ADAM32: variants seen among roughly 807,000 people sequenced by gnomAD.
ADAM32 encodes ADAM metallopeptidase domain 32.
A neutral mutation model predicts 114.9 loss-of-function variants in ADAM32; 89 were observed. The ratio of observed to expected loss-of-function variants is 0.77; its 90% CI spans 0.65 to 0.92. ADAM32 has a LOEUF of 0.92. ADAM32 is among the 40% of genes least tolerant of loss of function. The pLI is 0.00. For synonymous variants in ADAM32, 285 were observed against 307.5 expected (o/e 0.93, Z 0.77); for missense variants, 870 against 932.8 (o/e 0.93, Z 0.88).
At chr8:39,223,288 T>C in intron 14 of ADAM32, 50 bp downstream of exon 14, 1 of 1,284,548 alleles carries the variant, frequency 7.8e-7, no homozygotes, top group Non-Finnish European at 1.0e-6. Flanking sequence ...GTTATTAACA[T>C]TACCAGGATA....
Position 39,280,543 on chromosome 8 carries a change from G to C in ADAM32, c.2280-593G>C, listed in dbSNP as rs146508120. 5.0e-3 allele frequency among the ~76,000 whole-genome samples: 762 copies of C among 152,224 alleles called. 6 individuals carry two copies. Among genetic ancestry groups the C allele is most frequent in the African/African-American group, 0.017 (706 of 41,546 alleles). ...CAGTTAAATTTACATTAACTTCGAA[G>C]TAATTTGAAAAACCTCTGCTATCTT... On this transcript the variant is annotated intron_variant, in intron 22 of 24. Transcript: ENST00000379907.
chr8:39,190,031 G>A (rs1806504471), intron 11 of ADAM32, among the ~76,000 whole-genome samples: 1 of 152,150 alleles, frequency 6.6e-6, no homozygotes, highest in African/African-American at 2.4e-5. Context: ...TGTTAGCCAG[G>A]ATGGTCTCGA....
At chr8:39,120,141 G>A (rs1045297032) in intron 2 of ADAM32, among the ~76,000 whole-genome samples, 1 of 152,176 alleles carries the variant, frequency 6.6e-6, no homozygotes, top group Admixed American at 6.5e-5. Context: ...TGTTGGTTAA[G>A]CCACCTTGTC....
intron 4 of ADAM32, among the ~76,000 whole-genome samples, chr8:39,148,560 T>G (rs1337186727): frequency 6.6e-6 from 1 of 152,098 alleles, no homozygotes; most frequent in Non-Finnish European, 1.5e-5. Flanking sequence ...TACTTTATTT[T>G]CTGTCTCCCC....
At chr8:39,262,394 C>T (rs771250093) in intron 19 of ADAM32, among the ~76,000 whole-genome samples, 15 of 152,040 alleles carry the variant, frequency 9.9e-5, no homozygotes, top group Non-Finnish European at 1.9e-4. Context: ...CTATTCTGTT[C>T]CATTAGTGTA....
intron 6 of ADAM32, chr8:39,157,864 C>A: frequency 3.6e-6 from 2 of 554,942 alleles, no homozygotes; most frequent in East Asian, 7.4e-5. Context: ...ATGAAGTAGC[C>A]CTGACTGATA....
chr8:39,108,598 G>C (rs1840024547), intron 1 of ADAM32, among the ~76,000 whole-genome samples: 1 of 152,156 alleles, frequency 6.6e-6, no homozygotes, highest in Non-Finnish European at 1.5e-5. Flanking sequence ...GAGGAAGTAA[G>C]ACATGCCATG....
chr8:39,152,551 G>A (rs963154204), intron 6 of ADAM32, among the ~76,000 whole-genome samples: 4 of 151,524 alleles, frequency 2.6e-5, no homozygotes, highest in Middle Eastern at 3.4e-3. Flanking sequence ...GTGAAACCCC[G>A]TCTCCACTAA....
chr8:39,270,426 T>A (rs1812640758), intron 19 of ADAM32, among the ~76,000 whole-genome samples: 1 of 152,166 alleles, frequency 6.6e-6, no homozygotes, highest in South Asian at 2.1e-4. Flanking sequence ...CCTGGTTTAG[T>A]TAAAGAGTTC....
intron 11 of ADAM32, among the ~76,000 whole-genome samples, chr8:39,199,377 G>A (rs2129447745): frequency 1.3e-5 from 2 of 152,228 alleles, no homozygotes; most frequent in South Asian, 4.2e-4. Flanking sequence ...CATGTGTCAT[G>A]TAGGCTTTCT....
intron 2 of ADAM32, among the ~76,000 whole-genome samples, chr8:39,125,119 ATGTT>A (rs774675672): frequency 2.0e-5 from 3 of 151,946 alleles, no homozygotes; most frequent in Non-Finnish European, 4.4e-5. Context: ...TTTTTTTCAT[ATGTT>A]TGTTGGCCAC....
chr8:39,247,974 T>A (rs1420314894), intron 17 of ADAM32, among the ~76,000 whole-genome samples: 1 of 152,164 alleles, frequency 6.6e-6, no homozygotes, highest in Non-Finnish European at 1.5e-5. Flanking sequence ...TTGCTTTTGC[T>A]CCTTTGTCAG....
At chr8:39,199,600 T>A (rs1807244042) in intron 11 of ADAM32, among the ~76,000 whole-genome samples, 1 of 152,202 alleles carries the variant, frequency 6.6e-6, no homozygotes, top group Non-Finnish European at 1.5e-5. Context: ...AATTATGAAT[T>A]GTTTTCCTGA....
chr8:39,109,619 G>C (rs1840070673), intron 1 of ADAM32, among the ~76,000 whole-genome samples: 1 of 152,022 alleles, frequency 6.6e-6, no homozygotes, highest in Non-Finnish European at 1.5e-5. Flanking sequence ...TAGCAAAATT[G>C]AGCTGAAAGA....
chr8:39,275,179 G>C (rs886323561), intron 21 of ADAM32, among the ~76,000 whole-genome samples: 3 of 152,178 alleles, frequency 2.0e-5, no homozygotes, highest in African/African-American at 7.2e-5. Flanking sequence ...TCCAGGTTTA[G>C]AGAAGGAGGT....
At chr8:39,262,172 A>G (rs1765925506) in intron 19 of ADAM32, among the ~76,000 whole-genome samples, 1 of 149,716 alleles carries the variant, frequency 6.7e-6, no homozygotes, top group Non-Finnish European at 1.5e-5. Flanking sequence ...CATTATTTTG[A>G]ATTTTATATG....
At chr8:39,262,661 C>G (rs1812109125) in intron 19 of ADAM32, among the ~76,000 whole-genome samples, 1 of 151,604 alleles carries the variant, frequency 6.6e-6, no homozygotes, top group Non-Finnish European at 1.5e-5. Flanking sequence ...TTCTCTCTTC[C>G]CCTCTTTCTC....
At chr8:39,197,547 G>T (rs540992713) in intron 11 of ADAM32, among the ~76,000 whole-genome samples, 7 of 151,976 alleles carry the variant, frequency 4.6e-5, no homozygotes, top group Admixed American at 2.6e-4. Context: ...GAAATTTGTT[G>T]TTTCCTTCTT....
intron 2 of ADAM32, among the ~76,000 whole-genome samples, chr8:39,126,349 C>T (rs918154450): frequency 2.0e-5 from 3 of 152,116 alleles, no homozygotes; most frequent in Non-Finnish European, 4.4e-5. Context: ...TCTCTGATTT[C>T]TTTGAGGAGT....
Sources: allele counts gnomAD v4.1 joint callset (sites outside exome capture counted in the v4.1 genomes callset), GRCh38; gene constraint gnomAD v4.1.1; transcripts MANE v1.5; gene names NCBI Gene and HGNC (gene_info 2026-07-23, HGNC 2026-07-21).